RAB44: variants seen among roughly 807,000 people sequenced by gnomAD.
RAB44 encodes ras-related protein Rab-44.
RAB44 carries 67 observed loss-of-function variants against 93.3 expected under a neutral mutation model. The ratio of observed to expected loss-of-function variants is 0.72; its 90% CI spans 0.59 to 0.88. The LOEUF (loss-of-function observed/expected upper bound fraction) is 0.88. RAB44 is among the 40% of genes least tolerant of loss of function. RAB44 has a pLI of 0.00. For synonymous variants in RAB44, 427 were observed against 520.3 expected, an observed-to-expected ratio of 0.82 and a Z score of 2.44; for missense variants, 1,064 against 1,261.7, an observed-to-expected ratio of 0.84 and a Z score of 2.37.
intron 8 of RAB44, 48 bp from the exon 9 acceptor site, chr6:36,721,103 C>T (rs1383745753): frequency 1.6e-6 from 2 of 1,233,650 alleles, no homozygotes; most frequent in African/African-American, 1.6e-5. Flanking sequence ...GGGTGTGACA[C>T]CACCTACCTG....
intron 9 of RAB44, 160 bp from the exon 10 acceptor site, chr6:36,725,702 C>G: frequency 1.6e-6 from 1 of 609,848 alleles, no homozygotes; most frequent in South Asian, 1.9e-5. Context: ...GGAAGTGGGT[C>G]CTCGAGTATG....
At chr6:36,725,810 A>C in intron 9 of RAB44, 52 bp from the exon 10 acceptor site, 3 of 1,323,322 alleles carry the variant, frequency 2.3e-6, no homozygotes, top group Non-Finnish European at 3.2e-6. Flanking sequence ...GGCCTTGGCT[A>C]GGAGTCCTGG....
intron 9 of RAB44, among the ~76,000 whole-genome samples, chr6:36,724,231 G>A (rs1562066161): frequency 6.6e-6 from 1 of 151,784 alleles, no homozygotes; most frequent in African/African-American, 2.4e-5. Flanking sequence ...GCAGTGGCAC[G>A]ATTTCTGCTT....
chr6:36,699,419 G>A lies in RAB44; in HGVS notation c.-13+1504G>A, dbSNP rs151174578. On this transcript the variant is annotated intron_variant, in intron 1 of 13. Transcript: ENST00000612677. ...TGCGATGTGACACTCACATCACAGT[G>A]GACTTTGCTTCTGGAGGCTTCTGCA... Among the ~76,000 whole-genome samples the A allele has an allele frequency of 2.4e-3, 365 of 152,246 alleles. 4 individuals are homozygous for A. The highest frequency in any genetic ancestry group is 8.1e-3 in the African/African-American group (337 of 41,528).
chr6:36,714,317 G>A (rs980716489), intron 3 of RAB44, among the ~76,000 whole-genome samples: 3 of 152,176 alleles, frequency 2.0e-5, no homozygotes, highest in African/African-American at 7.2e-5. Flanking sequence ...AGCCCCCACT[G>A]GGCAGGGCTG....
rs146160199 is a variant in RAB44, at chr6:36,732,184, G to A, written c.*91G>A. On this transcript the variant is annotated 3_prime_UTR_variant, in exon 14 of 14. Coordinates refer to ENST00000612677, the MANE Select transcript of RAB44 (RefSeq NM_001257357.2). ...TGTTCCTGGACAGCAACGACACAGA[G>A]GACCAGCTTGGAGGTTCAGGAAAAC... 6 of 792,910 alleles carry A rather than the reference G, an allele frequency of 7.6e-6. No individual in the cohort carries two copies. The East Asian group carries it at 2.0e-4, about 27-fold the overall frequency. The allele number at this position is 792,910 out of a possible 1,614,324, so 49.1% of individuals were successfully genotyped here.
At chr6:36,720,146 C>A (rs1346283907) in intron 7 of RAB44, among the ~76,000 whole-genome samples, 1 of 152,030 alleles carries the variant, frequency 6.6e-6, no homozygotes, top group East Asian at 1.9e-4. Context: ...GTCTCCCTGC[C>A]CTCCCCACCC....
chr6:36,704,388 C>T lies in RAB44; in HGVS notation c.153C>T (p.Phe51=). ...AGGCAGCGGCAGAACTGCAGGCCTT[C>T]TTCCAGGACTGTGGTGCCAAGGAGA... The part of the protein sequence containing the change: ...SSQAAAELQA[F]FQDCGAKERG... Residue 51 remains phenylalanine, a synonymous_variant, in exon 2 of 14, where the codon TTC becomes TTT. Coordinates refer to ENST00000612677, the MANE Select transcript of RAB44 (RefSeq NM_001257357.2). The T allele has an allele frequency of 6.5e-7, 1 of 1,536,098 alleles. No homozygotes were observed. Among genetic ancestry groups the T allele is most frequent in the Non-Finnish European group, 8.7e-7 (1 of 1,146,914 alleles).
At position 36,715,466 on chromosome 6, in the gene RAB44, T is replaced by C. The variant is rs1383434175; in HGVS notation, c.320-13T>C. 2 of 1,536,020 alleles carry C rather than the reference T, an allele frequency of 1.3e-6. No homozygotes were observed. The highest frequency in any genetic ancestry group is 1.2e-5 in the South Asian group (1 of 84,058). On this transcript the variant is annotated splice_polypyrimidine_tract_variant and intron_variant, in intron 3 of 13. Transcript: ENST00000612677. Reference sequence around the variant, plus strand: ...CACCACTGTGCTCCCCTCTGTCCACTTCTGTCCCACAGAAAACATCTTTGG... The same window carrying C: ...CACCACTGTGCTCCCCTCTGTCCACCTCTGTCCCACAGAAAACATCTTTGG...
chr6:36,701,858 C>A (rs1762517402), intron 1 of RAB44, among the ~76,000 whole-genome samples: 1 of 152,162 alleles, frequency 6.6e-6, no homozygotes, highest in African/African-American at 2.4e-5. Flanking sequence ...TGGAATCCAG[C>A]CCACATTCCA....
chr6:36,698,126 C>G (rs1762426507), intron 1 of RAB44, among the ~76,000 whole-genome samples: 1 of 152,176 alleles, frequency 6.6e-6, no homozygotes, highest in Non-Finnish European at 1.5e-5. Flanking sequence ...CCGTAAATGG[C>G]TGTGTGACCT....
chr6:36,698,931 G>C (rs1224385312), intron 1 of RAB44, among the ~76,000 whole-genome samples: 1 of 152,164 alleles, frequency 6.6e-6, no homozygotes, highest in East Asian at 1.9e-4. Flanking sequence ...CTGTCTCTGA[G>C]GGACCAGGCC....
rs1763112445 is a variant in RAB44, at chr6:36,722,364, G to A, written c.2230G>A (p.Gly744Ser). The stretch of plus-strand genomic sequence containing the variant: ...TCCTGGAAAATCGGCACCTCCAAGG[G>A]GCTCTCCTCCCAGGGGGGCTCAGCC... ...PTPGKSAPPR[G>S]SPPRGAQPGA... Residue 744 changes from glycine (G) to serine (S), a missense_variant, in exon 9 of 14, where the codon GGC becomes AGC. Transcript: ENST00000612677. 3 of 1,344,082 alleles carry A rather than the reference G, an allele frequency of 2.2e-6. No homozygotes were observed. The highest frequency in any genetic ancestry group is 2.9e-6 in the Non-Finnish European group (3 of 1,049,202). 83.3% of individuals were successfully genotyped at this position (1,344,082 alleles called of 1,614,324 possible).
chr6:36,707,889 C>A (rs992456116), intron 2 of RAB44, among the ~76,000 whole-genome samples: 3 of 152,224 alleles, frequency 2.0e-5, no homozygotes, highest in African/African-American at 7.2e-5. Flanking sequence ...TCCTGGGGTA[C>A]AATGCACAAC....
chr6:36,714,774 C>A (rs1762873977), intron 3 of RAB44, among the ~76,000 whole-genome samples: 1 of 152,248 alleles, frequency 6.6e-6, no homozygotes, highest in Admixed American at 6.5e-5. Flanking sequence ...CTTCCCAGTG[C>A]CTGTGGGACA....
chr6:36,722,053 C>CGGTGCA lies in RAB44; in HGVS notation c.1922_1927dup (p.Val641_Gln642dup). 1 of 1,234,468 alleles carries CGGTGCA rather than the reference C, an allele frequency of 8.1e-7. No homozygotes were observed. The highest frequency in any genetic ancestry group is 1.0e-6 in the Non-Finnish European group (1 of 988,400). The allele number at this position is 1,234,468 out of a possible 1,614,324, so 76.5% of individuals were successfully genotyped here. ...CTGGAGCAGGGCCAGGCGGGCCCAG[C>CGGTGCA]GGTGCAGGAGGGCCTTCCTGAGGGG... On this transcript the variant is annotated inframe_insertion, in exon 9 of 14. Transcript: ENST00000612677.
chr6:36,705,126 AAG>A (rs200428271), intron 2 of RAB44, among the ~76,000 whole-genome samples: 11,193 of 148,586 alleles, frequency 0.075, 1,251 homozygotes, highest in African/African-American at 0.24. Flanking sequence ...AAAAAAAAAA[AAG>A]AAGAATGAGG....
chr6:36,708,207 G>A (rs909837478), intron 2 of RAB44, among the ~76,000 whole-genome samples: 2 of 150,754 alleles, frequency 1.3e-5, no homozygotes, highest in Admixed American at 1.3e-4. Flanking sequence ...GTGAGAACCT[G>A]TCTCAAGAAA....
At chr6:36,700,635 G>T (rs898531664) in intron 1 of RAB44, among the ~76,000 whole-genome samples, 7 of 151,950 alleles carry the variant, frequency 4.6e-5, no homozygotes, top group African/African-American at 1.2e-4. Flanking sequence ...ACAGGGTCTC[G>T]CTATGTTGCC....
Sources: allele counts gnomAD v4.1 joint callset (sites outside exome capture counted in the v4.1 genomes callset), GRCh38; gene constraint gnomAD v4.1.1; transcripts MANE v1.5; gene names NCBI Gene and HGNC (gene_info 2026-07-23, HGNC 2026-07-21).